Variants in NIM1K observed in about 807,000 individuals in gnomAD.
The protein encoded by NIM1K is NIM1 serine/threonine protein kinase.
A neutral mutation model predicts 37.1 loss-of-function variants in NIM1K; 35 were observed. The ratio of observed to expected loss-of-function variants is 0.94; its 90% CI spans 0.72 to 1.25. NIM1K has a LOEUF of 1.25. NIM1K is among the 50% of genes most tolerant of loss of function. The pLI is 0.00. For synonymous variants in NIM1K, 234 were observed against 206.6 expected, an observed-to-expected ratio of 1.13 and a Z score of -1.14; for missense variants, 564 against 548.0, an observed-to-expected ratio of 1.03 and a Z score of -0.29.
At chr5:43,277,932 A>C (rs888041940) in intron 3 of NIM1K, among the ~76,000 whole-genome samples, 4 of 151,232 alleles carry the variant, frequency 2.6e-5, no homozygotes, top group African/African-American at 7.3e-5. Flanking sequence ...GTAGATTAAC[A>C]CTTGGTTGTG....
chr5:43,230,308 G>T, intron 1 of NIM1K, among the ~76,000 whole-genome samples: 1 of 151,982 alleles, frequency 6.6e-6, no homozygotes, highest in East Asian at 1.9e-4. Context: ...GTCCAAGGTG[G>T]CTGTTTCCAT....
intron 1 of NIM1K, among the ~76,000 whole-genome samples, chr5:43,213,182 T>G (rs1045935251): frequency 4.1e-5 from 3 of 73,480 alleles, no homozygotes; most frequent in African/African-American, 1.5e-4. Flanking sequence ...TCTTTCTTTC[T>G]TTCTTTCTTT....
chr5:43,271,778 AT>A (rs1220031455), intron 2 of NIM1K, among the ~76,000 whole-genome samples: 1 of 152,172 alleles, frequency 6.6e-6, no homozygotes, highest in African/African-American at 2.4e-5. Context: ...GGACAAGTCC[AT>A]TATCACAAGG....
At chr5:43,264,873 T>TA (rs1377205828) in intron 2 of NIM1K, among the ~76,000 whole-genome samples, 4 of 152,230 alleles carry the variant, frequency 2.6e-5, no homozygotes, top group Non-Finnish European at 5.9e-5. Context: ...CTTCTTCACT[T>TA]ATGAAGCTTA....
rs576803440 is a variant in NIM1K at position 43,267,629 on chromosome 5, C to T, written c.293-9428C>T. Among the ~76,000 whole-genome samples, 20 of 152,270 alleles carry T rather than the reference C, an allele frequency of 1.3e-4. No individual in the cohort carries two copies. In the South Asian group the frequency reaches 3.9e-3, roughly 30 times the overall value. On this transcript the variant is annotated intron_variant, in intron 2 of 3. Transcript: ENST00000326035. ...TCTTAGCACCACTTTTGCTGTATCT[C>T]AGAAGTTTTGACAACTGTGTCATAT... is the stretch of plus-strand genomic sequence containing the variant.
At chr5:43,232,751 A>G (rs556011616) in intron 1 of NIM1K, 1 of 1,193,922 alleles carries the variant, frequency 8.4e-7, no homozygotes, top group East Asian at 2.3e-5. Context: ...CCTTCACCAA[A>G]GCTGTGGAAA....
intron 2 of NIM1K, among the ~76,000 whole-genome samples, chr5:43,260,209 G>A (rs1753006922): frequency 6.6e-6 from 1 of 152,136 alleles, no homozygotes; most frequent in African/African-American, 2.4e-5. Flanking sequence ...CACTTTAGAT[G>A]TCCTTTATTT....
At chr5:43,226,873 T>C (rs1752463737) in intron 1 of NIM1K, among the ~76,000 whole-genome samples, 1 of 151,904 alleles carries the variant, frequency 6.6e-6, no homozygotes, top group Non-Finnish European at 1.5e-5. Flanking sequence ...CAGAGGGAAA[T>C]GTGAGTGTGG....
At chr5:43,270,795 G>A (rs1267192862) in intron 2 of NIM1K, among the ~76,000 whole-genome samples, 75 of 152,230 alleles carry the variant, frequency 4.9e-4, no homozygotes. Flanking sequence ...GAGAGACAGG[G>A]GAACTTAGGG....
intron 3 of NIM1K, among the ~76,000 whole-genome samples, chr5:43,277,779 C>CGTGTGT (rs765779433): frequency 0.01 from 1,302 of 127,424 alleles, 9 homozygotes; most frequent in Middle Eastern, 0.03. Flanking sequence ...CCCCCCTCTC[C>CGTGTGT]GTGTGTGTGT....
chr5:43,202,303 C>T (rs558884098), intron 1 of NIM1K, among the ~76,000 whole-genome samples: 39 of 152,138 alleles, frequency 2.6e-4, no homozygotes, highest in Non-Finnish European at 4.6e-4. Context: ...TTCTCCTCAG[C>T]CTCCCAAAGT....
chr5:43,268,751 AG>A (rs1753207663), intron 2 of NIM1K, among the ~76,000 whole-genome samples: 2 of 151,960 alleles, frequency 1.3e-5, no homozygotes, highest in African/African-American at 4.8e-5. Context: ...AGCTTTACAA[AG>A]GTGACTGAGT....
chr5:43,208,524 A>G (rs773160722), intron 1 of NIM1K, among the ~76,000 whole-genome samples: 81 of 151,952 alleles, frequency 5.3e-4, no homozygotes, highest in Non-Finnish European at 8.7e-4. Flanking sequence ...AATCGCTTGA[A>G]CCAGGAAGTG....
chr5:43,279,404 G>A (rs570505804), intron 3 of NIM1K, among the ~76,000 whole-genome samples: 4 of 152,316 alleles, frequency 2.6e-5, no homozygotes, highest in African/African-American at 9.6e-5. Flanking sequence ...GAGCCCTTGG[G>A]ACTGAACAGG....
chr5:43,239,250 T>A (rs1339376887), intron 1 of NIM1K, among the ~76,000 whole-genome samples: 2 of 152,020 alleles, frequency 1.3e-5, no homozygotes, highest in Non-Finnish European at 2.9e-5. Context: ...TTATTTATTT[T>A]TTTAAGTTGG....
At chr5:43,213,945 CTTTCTTT>C (rs1361719350) in intron 1 of NIM1K, among the ~76,000 whole-genome samples, 2 of 150,714 alleles carry the variant, frequency 1.3e-5, no homozygotes, top group Admixed American at 6.6e-5. Context: ...CTCTTTCTTT[CTTTCTTT>C]TTTCTTTCTC....
chr5:43,274,570 A>G (rs1317206062), intron 2 of NIM1K, among the ~76,000 whole-genome samples: 1 of 152,226 alleles, frequency 6.6e-6, no homozygotes, highest in Non-Finnish European at 1.5e-5. Flanking sequence ...AGTAGAAAAG[A>G]AAGGGGAAGA....
intron 1 of NIM1K, among the ~76,000 whole-genome samples, chr5:43,236,647 C>T (rs1277029320): frequency 3.9e-5 from 6 of 152,246 alleles, no homozygotes; most frequent in Admixed American, 3.3e-4. Flanking sequence ...CGTAGAACTC[C>T]TGCACTGTTC....
chr5:43,240,282 C>G (rs891875977), intron 1 of NIM1K: 1 of 151,712 alleles, frequency 6.6e-6, no homozygotes, highest in African/African-American at 2.4e-5. Context: ...ACTGTGTTGC[C>G]TAGGCTGGTC....
Sources: gnomAD v4.1 joint callset for allele counts (sites outside exome capture counted in the v4.1 genomes callset) on GRCh38, gnomAD v4.1.1 for gene constraint, MANE v1.5 for transcripts, NCBI Gene and HGNC (gene_info 2026-07-23, HGNC 2026-07-21) for gene names.